TRIM16: variants seen among roughly 807,000 people sequenced by gnomAD.
TRIM16 encodes tripartite motif containing 16.
A neutral mutation model predicts 50.4 loss-of-function variants in TRIM16; 33 were observed. The observed-to-expected ratio is 0.65, with a 90% CI of 0.50 to 0.88. TRIM16 has a LOEUF of 0.88. TRIM16 is among the 40% of genes least tolerant of loss of function. TRIM16 has a pLI of 0.00. For synonymous variants in TRIM16, 229 were observed against 270.7 expected (o/e 0.85, Z 1.51); for missense variants, 581 against 686.8 (o/e 0.85, Z 1.72).
chr17:15,645,979 G>T (rs1321452497), intron 7 of TRIM16, among the ~76,000 whole-genome samples: 1 of 152,176 alleles, frequency 6.6e-6, no homozygotes, highest in Admixed American at 6.5e-5. Context: ...TGAGCTGCTT[G>T]TTTAAAGGTG....
At chr17:15,649,830 G>T (rs566939191) in intron 7 of TRIM16, among the ~76,000 whole-genome samples, 1 of 152,282 alleles carries the variant, frequency 6.6e-6, no homozygotes, top group African/African-American at 2.4e-5. Flanking sequence ...TAACTTCATA[G>T]TTATTTGAAG....
At chr17:15,644,689 A>G (rs1251458477) in intron 7 of TRIM16, among the ~76,000 whole-genome samples, 1 of 152,074 alleles carries the variant, frequency 6.6e-6, no homozygotes, top group Non-Finnish European at 1.5e-5. Context: ...GAGCCCCCTC[A>G]GCCACCCAGT....
At chr17:15,660,677 T>C (rs963334881) in intron 6 of TRIM16, among the ~76,000 whole-genome samples, 5 of 151,842 alleles carry the variant, frequency 3.3e-5, no homozygotes, top group Non-Finnish European at 7.4e-5. Flanking sequence ...GGTGGGTGGA[T>C]CACGAGGTCA....
chr17:15,676,232 G>T (rs1426014173), intron 6 of TRIM16, among the ~76,000 whole-genome samples: 1 of 152,104 alleles, frequency 6.6e-6, no homozygotes, highest in Non-Finnish European at 1.5e-5. Flanking sequence ...TTCAGACGTT[G>T]CCAAATGTCC....
intron 6 of TRIM16, among the ~76,000 whole-genome samples, chr17:15,654,050 T>C (rs1435686025): frequency 6.6e-6 from 1 of 152,154 alleles, no homozygotes; most frequent in Non-Finnish European, 1.5e-5. Context: ...GATCAGGCAT[T>C]AGGATGGTTC....
At chr17:15,636,825 T>G (rs1296050101) in intron 8 of TRIM16, among the ~76,000 whole-genome samples, 1 of 148,810 alleles carries the variant, frequency 6.7e-6, no homozygotes, top group Non-Finnish European at 1.5e-5. Context: ...AGGACAAGCA[T>G]GTATATGCAG....
chr17:15,636,161 G>C lies in TRIM16; in HGVS notation c.724C>G (p.Gln242Glu). 1.2e-6 allele frequency: 2 copies of C among 1,609,824 alleles called. No individual in the cohort carries two copies. The highest frequency in any genetic ancestry group is 2.3e-5 in the East Asian group (1 of 43,854). Reference sequence around the variant, plus strand: ...CCGTTGGCCTGGCTCAGCGCAGCTTGCTCCTTCTCCTCTAAGAAGAGCATC... The same window carrying C: ...CCGTTGGCCTGGCTCAGCGCAGCTTCCTCCTTCTCCTCTAAGAAGAGCATC... ...NVMLFLEEKEQAALSQANGIK... is the reference protein window; with the variant it reads ...NVMLFLEEKEEAALSQANGIK... The change falls in exon 9 of 12, where the codon CAA becomes GAA. Residue 242 changes from glutamine to glutamate, a missense_variant. Transcript: ENST00000649191.
intron 4 of TRIM16, among the ~76,000 whole-genome samples, 174 bp downstream of exon 4, chr17:15,680,691 C>T (rs937647674): frequency 2.0e-5 from 3 of 152,114 alleles, no homozygotes; most frequent in Non-Finnish European, 2.9e-5. Context: ...GCAGTCCATC[C>T]CACCTGCTTG....
intron 1 of TRIM16, 166 bp downstream of exon 1, chr17:15,684,030 C>A (rs975619097): frequency 1.3e-5 from 2 of 152,284 alleles, no homozygotes; most frequent in Non-Finnish European, 2.9e-5. Flanking sequence ...CACTCCCACA[C>A]ACACAAAACC....
chr17:15,666,367 C>A (rs1988501614), intron 6 of TRIM16, among the ~76,000 whole-genome samples: 1 of 152,210 alleles, frequency 6.6e-6, no homozygotes, highest in African/African-American at 2.4e-5. Flanking sequence ...TAAGCGTGAG[C>A]CACTGCACCC....
chr17:15,629,444 G>T (rs571932212), intron 11 of TRIM16, among the ~76,000 whole-genome samples: 1 of 152,338 alleles, frequency 6.6e-6, no homozygotes, highest in Admixed American at 6.5e-5. Context: ...ATTATTTGAT[G>T]AACCGAATCA....
At chr17:15,660,075 T>A (rs1988153836) in intron 6 of TRIM16, among the ~76,000 whole-genome samples, 1 of 152,206 alleles carries the variant, frequency 6.6e-6, no homozygotes, top group African/African-American at 2.4e-5. Flanking sequence ...TTTTTACTAG[T>A]GAGATATAGC....
At chr17:15,675,842 A>G (rs922346266) in intron 6 of TRIM16, among the ~76,000 whole-genome samples, 1 of 147,508 alleles carries the variant, frequency 6.8e-6, no homozygotes, top group Non-Finnish European at 1.5e-5. Flanking sequence ...AAATATATAT[A>G]TTATATACTA....
rs941923011 is a variant in TRIM16, at chr17:15,665,503, T to C, written c.-338+11673A>G. Among the ~76,000 whole-genome samples the C allele has an allele frequency of 6.6e-5, 10 of 152,254 alleles. No individual in the cohort carries two copies. In the South Asian group the frequency reaches 8.3e-4, roughly 13 times the overall value. On this transcript the variant is annotated intron_variant, in intron 6 of 11. Coordinates refer to ENST00000649191, the MANE Select transcript of TRIM16 (RefSeq NM_001348119.1). Reference sequence around the variant, plus strand: ...CAGCCTAGGCGAGAGTGCAAGACTCTATCTAAAAAATAAAAAGAATAAAAA... The same window carrying C: ...CAGCCTAGGCGAGAGTGCAAGACTCCATCTAAAAAATAAAAAGAATAAAAA...
intron 11 of TRIM16, among the ~76,000 whole-genome samples, chr17:15,630,426 A>C (rs1199654921): frequency 6.6e-6 from 1 of 152,154 alleles, no homozygotes; most frequent in Non-Finnish European, 1.5e-5. Flanking sequence ...TATCAGCTTC[A>C]CATTTTGCAT....
chr17:15,660,897 C>CAAAAAA (rs550489491), intron 6 of TRIM16, among the ~76,000 whole-genome samples: 21 of 60,060 alleles, frequency 3.5e-4, no homozygotes, highest in South Asian at 6.3e-4. Flanking sequence ...GACTCCATCT[C>CAAAAAA]AAAAAAAAAA....
At chr17:15,654,640 T>C (rs561932209) in intron 6 of TRIM16, among the ~76,000 whole-genome samples, 89 of 152,326 alleles carry the variant, frequency 5.8e-4, no homozygotes, top group African/African-American at 2.1e-3. Flanking sequence ...GCAAGGTCAC[T>C]AGGCAGATAA....
At position 15,632,489 on chromosome 17, in the gene TRIM16, T is replaced by C. The variant is rs764790544; in HGVS notation, c.1015+20A>G. On this transcript the variant is annotated intron_variant, in intron 10 of 11. Transcript: ENST00000649191. ...CTAGAGACACACTCACTATAGTCCA[T>C]GGCCCAGAATGCGTCTCACCTTCCT... 1.7e-5 allele frequency: 27 copies of C among 1,603,926 alleles called. No individual in the cohort carries two copies. The highest frequency in any genetic ancestry group is 2.2e-5 in the Non-Finnish European group (26 of 1,174,424).
At chr17:15,663,868 T>C (rs1988357319) in intron 6 of TRIM16, among the ~76,000 whole-genome samples, 2 of 152,302 alleles carry the variant, frequency 1.3e-5, no homozygotes, top group African/African-American at 4.8e-5. Flanking sequence ...AGTGCTGTCA[T>C]CAGCCCAGGA....
Sources: gnomAD v4.1 joint callset for allele counts (sites outside exome capture counted in the v4.1 genomes callset) on GRCh38, gnomAD v4.1.1 for gene constraint, MANE v1.5 for transcripts, NCBI Gene and HGNC (gene_info 2026-07-23, HGNC 2026-07-21) for gene names.